CTSC: variants seen among roughly 807,000 people sequenced by gnomAD.
CTSC encodes dipeptidyl peptidase 1.
Under a neutral mutation model 40.9 loss-of-function variants are expected in CTSC, and 37 were observed. The ratio of observed to expected loss-of-function variants is 0.91; its 90% confidence interval spans 0.70 to 1.19. The LOEUF (loss-of-function observed/expected upper bound fraction) is 1.19, where lower values mean the gene tolerates loss of function less well. CTSC is among the 50% of genes most tolerant of loss of function. The probability of loss-of-function intolerance (pLI) is 0.00; values close to 1 mark genes in which losing one functional copy is unlikely to be tolerated. For synonymous variants in CTSC, 232 were observed against 207.4 expected (o/e 1.12, Z -1.02); for missense variants, 594 against 567.3 (o/e 1.05, Z -0.48).
rs757277086 is a variant in CTSC, at chr11:88,312,515, C to T, written c.358G>A (p.Glu120Lys). Residue 120 changes from glutamate to lysine, a missense_variant, in exon 3 of 7, where the codon GAG (glutamate) becomes AAG (lysine). By Grantham distance (56) the Glu-to-Lys change is moderately conservative (BLOSUM62 1). Coordinates refer to ENST00000227266, the MANE Select transcript of CTSC (RefSeq NM_001814.6). ...EGSKVTTYCNETMTGWVHDVL... is the reference protein window; with the variant it reads ...EGSKVTTYCNKTMTGWVHDVL... ...TCATGCACCCACCCAGTCATTGTCT[C>T]GTTGCAGTAAGTGGTCACCTTGCTG... 4 of 1,614,122 alleles carry T rather than the reference C, an allele frequency of 2.5e-6. No individual in the cohort carries two copies. The South Asian group carries it at 3.3e-5, about 13-fold the overall frequency.
chr11:88,313,816 A>C (rs1937820341), intron 2 of CTSC, among the ~76,000 whole-genome samples: 1 of 152,172 alleles, frequency 6.6e-6, no homozygotes, highest in African/African-American at 2.4e-5. Flanking sequence ...AAATCCTCAA[A>C]GGTATAAACA....
At chr11:88,326,053 T>C (rs1366375354) in intron 2 of CTSC, 1 of 1,115,146 alleles carries the variant, frequency 9.0e-7, no homozygotes, top group African/African-American at 1.6e-5. Context: ...ATCACTGTAA[T>C]AGAAGGGATT....
chr11:88,316,501 A>G (rs141526601), intron 2 of CTSC, among the ~76,000 whole-genome samples: 3 of 140,822 alleles, frequency 2.1e-5, no homozygotes, highest in African/African-American at 4.9e-5. Flanking sequence ...ATAAATAAAT[A>G]AATGAAGCAG....
intron 3 of CTSC, among the ~76,000 whole-genome samples, 186 bp downstream of exon 3, chr11:88,312,202 A>T (rs1274495487): frequency 6.6e-6 from 1 of 152,240 alleles, no homozygotes; most frequent in Non-Finnish European, 1.5e-5. Flanking sequence ...CTTTTGGAAC[A>T]CTTTGAAAAA....
At chr11:88,296,074 A>G in intron 6 of CTSC, 59 bp downstream of exon 6, 2 of 1,599,196 alleles carry the variant, frequency 1.3e-6, no homozygotes, top group Non-Finnish European at 1.7e-6. Flanking sequence ...CTTTGCCAAC[A>G]ACAGCCAGCT....
chr11:88,301,340 C>T (rs1336106119), intron 4 of CTSC, among the ~76,000 whole-genome samples: 1 of 152,166 alleles, frequency 6.6e-6, no homozygotes, highest in African/African-American at 2.4e-5. Context: ...ACTCCACCCT[C>T]TTCATTTACA....
At chr11:88,328,150 A>C (rs1199029557) in intron 2 of CTSC, 4 of 1,613,856 alleles carry the variant, frequency 2.5e-6, no homozygotes, top group Non-Finnish European at 2.5e-6. Flanking sequence ...ATATATCCCC[A>C]CAGTTCCCAG....
chr11:88,299,393 T>C (rs1457247364), intron 5 of CTSC: 3 of 152,170 alleles, frequency 2.0e-5, no homozygotes, highest in Non-Finnish European at 4.4e-5. Flanking sequence ...ATTGAGAAGG[T>C]AGGGAAAGAT....
intron 2 of CTSC, among the ~76,000 whole-genome samples, chr11:88,319,799 T>A (rs2134796294): frequency 6.6e-6 from 1 of 152,296 alleles, no homozygotes; most frequent in South Asian, 2.1e-4. Flanking sequence ...GACATCCAAG[T>A]CTAATCCATC....
chr11:88,327,194 T>C (rs754822945), intron 2 of CTSC, among the ~76,000 whole-genome samples: 2 of 152,244 alleles, frequency 1.3e-5, no homozygotes, highest in Non-Finnish European at 2.9e-5. Flanking sequence ...GTATGGAACA[T>C]TGCTGAAGCT....
At chr11:88,311,039 T>C (rs1290968289) in intron 3 of CTSC, among the ~76,000 whole-genome samples, 1 of 152,156 alleles carries the variant, frequency 6.6e-6, no homozygotes, top group Non-Finnish European at 1.5e-5. Context: ...AAATAATGTA[T>C]CTTACTATGG....
At chr11:88,298,376 G>C (rs914970237) in intron 5 of CTSC, 1 of 152,114 alleles carries the variant, frequency 6.6e-6, no homozygotes, top group Non-Finnish European at 1.5e-5. Context: ...TAGGTATAAG[G>C]CTTGTTCTTA....
At chr11:88,327,949 T>C (rs1938235932) in intron 2 of CTSC, 2 of 664,024 alleles carry the variant, frequency 3.0e-6, no homozygotes, top group Non-Finnish European at 5.4e-6. Flanking sequence ...GCAGACAACT[T>C]AGAAACAGCA....
At chr11:88,326,098 T>C (rs1490623538) in intron 2 of CTSC, 1 of 1,275,100 alleles carries the variant, frequency 7.8e-7, no homozygotes, top group Non-Finnish European at 9.9e-7. Context: ...TTGTATATTG[T>C]TCCTTTTATT....
At chr11:88,303,482 TACTA>T (rs756671303) in intron 4 of CTSC, among the ~76,000 whole-genome samples, 21 of 152,208 alleles carry the variant, frequency 1.4e-4, no homozygotes, top group Admixed American at 6.5e-5. Context: ...CTCAGAGAAA[TACTA>T]ACTAATGTTT....
At chr11:88,334,835 A>T in intron 2 of CTSC, 102 bp downstream of exon 2, 1 of 867,294 alleles carries the variant, frequency 1.2e-6, no homozygotes, top group African/African-American at 1.7e-5. Flanking sequence ...AATTCCGGTC[A>T]TCTTCTTAAT....
At chr11:88,309,030 T>C (rs1319577627) in intron 4 of CTSC, 133 bp downstream of exon 4, 2 of 757,512 alleles carry the variant, frequency 2.6e-6, no homozygotes. Flanking sequence ...ATAAAGATCG[T>C]TAACAGATCA....
intron 2 of CTSC, chr11:88,328,318 G>T: frequency 1.4e-6 from 1 of 734,956 alleles, no homozygotes; most frequent in Non-Finnish European, 2.4e-6. Context: ...TTCCTCCACT[G>T]AAATACTCTT....
chr11:88,297,186 C>A (rs547810366), intron 5 of CTSC: 1 of 152,302 alleles, frequency 6.6e-6, no homozygotes, highest in South Asian at 2.1e-4. Context: ...TTCAGATTTT[C>A]TCTCCCTGTC....
Sources: allele counts gnomAD v4.1 joint callset (sites outside exome capture counted in the v4.1 genomes callset), GRCh38; gene constraint gnomAD v4.1.1; transcripts MANE v1.5; gene names NCBI Gene and HGNC (gene_info 2026-07-23, HGNC 2026-07-21).